The following AMPD3 variants were observed in gnomAD, a reference collection of about 807,000 sequenced individuals.
AMPD3 encodes the protein AMP deaminase 3.
AMPD3 carries 57 observed loss-of-function variants against 82.3 expected under a neutral mutation model. The observed-to-expected ratio is 0.69, with a 90% confidence interval of 0.56 to 0.86. AMPD3 has a LOEUF of 0.86. AMPD3 is among the 40% of genes least tolerant of loss of function. AMPD3 has a pLI of 0.00. For missense variants in AMPD3, 870 were observed against 1,003.8 expected, an observed-to-expected ratio of 0.87 and a Z score of 1.80; for synonymous variants, 381 against 394.7, an observed-to-expected ratio of 0.97 and a Z score of 0.41.
At chr11:10,482,444 C>G (rs952798902) in intron 4 of AMPD3, among the ~76,000 whole-genome samples, 1 of 152,204 alleles carries the variant, frequency 6.6e-6, no homozygotes, top group African/African-American at 2.4e-5. Context: ...GAAGTCAAGA[C>G]AGAGATGTGA....
chr11:10,493,847 G>A (rs997723474), intron 7 of AMPD3: 3 of 494,314 alleles, frequency 6.1e-6, no homozygotes, highest in African/African-American at 5.8e-5. Flanking sequence ...ATAAAATGGT[G>A]ACAGCCATGT....
chr11:10,478,102 T>C, intron 2 of AMPD3: 1 of 985,440 alleles, frequency 1.0e-6, no homozygotes. Flanking sequence ...ACCGTTCATA[T>C]GTTGGGACTG....
chr11:10,498,645 G>A (rs545367512), intron 10 of AMPD3, among the ~76,000 whole-genome samples: 4 of 152,350 alleles, frequency 2.6e-5, no homozygotes, highest in Non-Finnish European at 4.4e-5. Flanking sequence ...TCTGTGACAC[G>A]GAAGATTCTG....
Position 10,501,533 on chromosome 11 carries a change from C to T in AMPD3, c.1785C>T (p.His595=). The change falls in exon 12 of 15, where the codon CAC becomes CAT. Residue 595 remains histidine (H), a synonymous_variant. Transcript: ENST00000396553. ...GTGGGGAAGCCGGCTCCATCACCCA[C>T]CTGGTGTCTGCCTTCCTCACTGCTG... ...PHCGEAGSIT[H]LVSAFLTADN... is the part of the protein sequence containing the mutation. 1 of 1,614,198 alleles carries T rather than the reference C, an allele frequency of 6.2e-7. No individual in the cohort carries two copies. Among genetic ancestry groups the T allele is most frequent in the Non-Finnish European group, 8.5e-7 (1 of 1,180,030 alleles).
chr11:10,473,612 C>A, intron 2 of AMPD3: 1 of 985,308 alleles, frequency 1.0e-6, no homozygotes, highest in Non-Finnish European at 1.2e-6. Context: ...GGTCATCTGG[C>A]TGCATATGCG....
chr11:10,487,207 A>G (rs767338514), intron 5 of AMPD3, 28 bp from the exon 6 acceptor site: 4 of 1,613,366 alleles, frequency 2.5e-6, no homozygotes, highest in African/African-American at 2.7e-5. Flanking sequence ...CGACTCAACT[A>G]TGGTCTCTCC....
At chr11:10,486,744 A>G (rs944826773) in intron 5 of AMPD3, 38 of 985,300 alleles carry the variant, frequency 3.9e-5, no homozygotes, top group Non-Finnish European at 4.3e-5. Flanking sequence ...TGTGTTATCA[A>G]TCCTCTGGGC....
chr11:10,496,151 G>C (rs186794957), intron 9 of AMPD3: 3 of 857,530 alleles, frequency 3.5e-6, no homozygotes, highest in Admixed American at 6.2e-5. Flanking sequence ...TCCTGACCTC[G>C]TGATCCACCT....
At position 10,505,305 on chromosome 11, in the gene AMPD3, A is replaced by T; in HGVS notation, c.2128-403A>T. On this transcript the variant is annotated intron_variant, in intron 14 of 14. Transcript: ENST00000396553. ...GATGATGCAGCAGAGTTAAAGGCTT[A>T]AGATTCTTTTCATGCGCAGTGTGGT... 3 of 985,408 alleles carry T rather than the reference A, an allele frequency of 3.0e-6. No individual in the cohort carries two copies. In the African/African-American group the frequency reaches 5.2e-5, roughly 17 times the overall value. 61.0% of individuals were successfully genotyped at this position (985,408 alleles called of 1,614,324 possible).
chr11:10,505,652 C>T, intron 14 of AMPD3, 56 bp from the exon 15 acceptor site: 4 of 1,596,362 alleles, frequency 2.5e-6, no homozygotes, highest in Admixed American at 1.7e-5. Context: ...GCCCACATGG[C>T]TATAGAAAGT....
At chr11:10,471,617 C>G (rs542649178) in intron 2 of AMPD3, among the ~76,000 whole-genome samples, 24 of 152,160 alleles carry the variant, frequency 1.6e-4, no homozygotes, top group African/African-American at 4.8e-4. Flanking sequence ...GAAAACAACC[C>G]CATCAAAAAG....
intron 4 of AMPD3, chr11:10,484,033 A>G (rs796270140): frequency 3.3e-5 from 5 of 153,454 alleles, no homozygotes; most frequent in African/African-American, 9.6e-5. Flanking sequence ...ATAATATCCT[A>G]TAATTCATTA....
upstream of AMPD3, among the ~76,000 whole-genome samples, chr11:10,454,025 T>C (rs1367350401): frequency 6.6e-6 from 1 of 152,176 alleles, no homozygotes; most frequent in Non-Finnish European, 1.5e-5. Context: ...TTATCATAAA[T>C]TGTCTTGATG....
Position 10,482,141 on chromosome 11 carries a change from G to C in AMPD3, c.505G>C (p.Ala169Pro), listed in dbSNP as rs779211791. 1 of 1,614,074 alleles carries C rather than the reference G, an allele frequency of 6.2e-7. No homozygotes were observed. Residue 169 changes from alanine to proline, a missense_variant, in exon 4 of 15, where the codon GCC becomes CCC. Physicochemically the swap from Ala to Pro is conservative, Grantham distance 27. Transcript: ENST00000396553. ...GATCCGGGAGAAGTATGCGCGGCTC[G>C]CCTACCACCGCTTCCCGCGGATCAC... The part of the protein sequence containing the change: ...LMIREKYARL[A>P]YHRFPRITSQ...
intron 2 of AMPD3, chr11:10,473,341 T>G (rs1199903288): frequency 6.3e-6 from 6 of 948,974 alleles, no homozygotes; most frequent in Non-Finnish European, 7.5e-6. Flanking sequence ...TAGTACAGAT[T>G]GCACTTCATT....
At chr11:10,452,531 C>T (rs1847987985), upstream of AMPD3, among the ~76,000 whole-genome samples, 2 of 152,120 alleles carry the variant, frequency 1.3e-5, no homozygotes, top group South Asian at 4.2e-4. Context: ...GTTCCTCCTC[C>T]TGATCTGGCT....
At chr11:10,468,803 C>G (rs1370252735) in intron 2 of AMPD3, among the ~76,000 whole-genome samples, 2 of 152,210 alleles carry the variant, frequency 1.3e-5, no homozygotes, top group African/African-American at 4.8e-5. Context: ...TCTCAGACCA[C>G]AGTGCAATCA....
intron 14 of AMPD3, 94 bp downstream of exon 14, chr11:10,504,753 A>G: frequency 6.7e-6 from 8 of 1,200,704 alleles, no homozygotes; most frequent in Non-Finnish European, 9.9e-6. Flanking sequence ...TGTGATGAAC[A>G]TAGCAGGCAG....
chr11:10,497,546 G>A (rs1317377489), intron 10 of AMPD3: 2 of 984,010 alleles, frequency 2.0e-6, no homozygotes, highest in African/African-American at 3.5e-5. Flanking sequence ...GCCTGGTGAT[G>A]GATGACTTTC....
Sources: gnomAD v4.1 joint callset for allele counts (sites outside exome capture counted in the v4.1 genomes callset) on GRCh38, gnomAD v4.1.1 for gene constraint, MANE v1.5 for transcripts, NCBI Gene and HGNC (gene_info 2026-07-23, HGNC 2026-07-21) for gene names.